Variants in TLL2 observed in about 807,000 individuals in gnomAD.
TLL2 encodes the protein tolloid-like protein 2.
TLL2 carries 106 observed loss-of-function variants against 123.0 expected under a neutral mutation model. The ratio of observed to expected loss-of-function variants is 0.86; its 90% CI spans 0.74 to 1.01. The LOEUF (loss-of-function observed/expected upper bound fraction) is 1.01. Ranked by LOEUF, TLL2 falls within the 50% of genes least tolerant of loss-of-function variation. The probability of loss-of-function intolerance (pLI) is 0.00; values close to 1 mark genes in which losing one functional copy is unlikely to be tolerated. For missense variants in TLL2, 1,332 were observed against 1,336.7 expected, an observed-to-expected ratio of 1.00 and a Z score of 0.06; for synonymous variants, 494 against 516.8, an observed-to-expected ratio of 0.96 and a Z score of 0.60.
chr10:96,407,475 T>G (rs186127979), intron 9 of TLL2, among the ~76,000 whole-genome samples: 1 of 152,314 alleles, frequency 6.6e-6, no homozygotes, highest in African/African-American at 2.4e-5. Context: ...TGTAACACAA[T>G]ACACACATCA....
chr10:96,449,351 C>T (rs1846931750), intron 2 of TLL2, among the ~76,000 whole-genome samples: 1 of 152,148 alleles, frequency 6.6e-6, no homozygotes, highest in African/African-American at 2.4e-5. Flanking sequence ...GCTGCTTATT[C>T]CCAGGGGATA....
chr10:96,368,122 G>A lies in TLL2; in HGVS notation c.3014C>T (p.Thr1005Ile), dbSNP rs779984115. Residue 1005 changes from threonine (T) to isoleucine (I), a missense_variant, in exon 21 of 21, where the codon ACC (threonine) becomes ATC (isoleucine). By Grantham distance (89) the Thr-to-Ile change is moderately conservative (BLOSUM62 -1). Coordinates refer to ENST00000357947, the MANE Select transcript of TLL2 (RefSeq NM_012465.4). ...KKGFHARYTSTKFQDALHMKK is the reference protein window; with the variant it reads ...KKGFHARYTSIKFQDALHMKK ...CATGTGCAGGGCATCCTGGAACTTG[G>A]TGCTGGTGTATCGGGCATGAAAGCC... 1.2e-6 allele frequency: 2 copies of A among 1,614,116 alleles called. No homozygotes were observed. The highest frequency in any genetic ancestry group is 1.7e-5 in the Admixed American group (1 of 60,012).
At chr10:96,449,388 G>A (rs1191636266) in intron 2 of TLL2, among the ~76,000 whole-genome samples, 1 of 152,222 alleles carries the variant, frequency 6.6e-6, no homozygotes, top group Non-Finnish European at 1.5e-5. Context: ...CAGGAGGTCT[G>A]TAAGAAGACA....
At chr10:96,427,158 T>A (rs1846685832) in intron 5 of TLL2, among the ~76,000 whole-genome samples, 1 of 152,226 alleles carries the variant, frequency 6.6e-6, no homozygotes, top group African/African-American at 2.4e-5. Flanking sequence ...TACCAGCTAA[T>A]GTTTATTCTA....
chr10:96,498,104 G>A (rs1201503296), intron 1 of TLL2, among the ~76,000 whole-genome samples: 5 of 152,196 alleles, frequency 3.3e-5, no homozygotes, highest in African/African-American at 1.2e-4. Context: ...CATCTCATAA[G>A]CCCTAATAGC....
At chr10:96,497,908 A>G (rs2134112715) in intron 1 of TLL2, among the ~76,000 whole-genome samples, 1 of 152,348 alleles carries the variant, frequency 6.6e-6, no homozygotes, top group East Asian at 1.9e-4. Context: ...GCCTATGCCA[A>G]CACCTTTCAC....
rs551186860 is a variant in TLL2, at chr10:96,445,046, G to A, written c.364+1045C>T. On this transcript the variant is annotated intron_variant, in intron 3 of 20. Coordinates refer to ENST00000357947, the MANE Select transcript of TLL2 (RefSeq NM_012465.4). ...CTACTAAAAATACAAAACATTAGCCGGGCACGGTGGCGGGCGCCTGTAGTC... is the reference window on the plus strand; with the variant it reads ...CTACTAAAAATACAAAACATTAGCCAGGCACGGTGGCGGGCGCCTGTAGTC... 3.9e-5 allele frequency among the ~76,000 whole-genome samples: 6 copies of A among 152,098 alleles called. No individual in the cohort carries two copies. The East Asian group carries it at 9.7e-4, about 24-fold the overall frequency.
chr10:96,422,866 G>A (rs960266264), intron 5 of TLL2, 139 bp from the exon 6 acceptor site: 9 of 1,035,068 alleles, frequency 8.7e-6, no homozygotes, highest in African/African-American at 3.2e-5. Context: ...AGTGGCTTAC[G>A]CCTGTAATCC....
intron 1 of TLL2, among the ~76,000 whole-genome samples, chr10:96,502,017 G>A (rs571853414): frequency 6.6e-6 from 1 of 152,256 alleles, no homozygotes; most frequent in Admixed American, 6.5e-5. Flanking sequence ...GTGCTTTTCA[G>A]AAAAACAAAG....
intron 7 of TLL2, among the ~76,000 whole-genome samples, chr10:96,420,223 A>T (rs1846606008): frequency 6.6e-6 from 1 of 152,246 alleles, no homozygotes; most frequent in South Asian, 2.1e-4. Context: ...ACTCAACGCT[A>T]GAAAGAACTA....
At chr10:96,403,934 C>G (rs974776469) in intron 10 of TLL2, among the ~76,000 whole-genome samples, 4 of 152,090 alleles carry the variant, frequency 2.6e-5, no homozygotes, top group South Asian at 4.2e-4. Context: ...AAACATAAAT[C>G]TGGCCTACGT....
chr10:96,457,109 C>G (rs1017928027), intron 2 of TLL2, among the ~76,000 whole-genome samples: 1 of 152,196 alleles, frequency 6.6e-6, no homozygotes, highest in African/African-American at 2.4e-5. Flanking sequence ...TGAGCAGCAC[C>G]TAATGCTATG....
chr10:96,500,908 C>T (rs957388375), intron 1 of TLL2, among the ~76,000 whole-genome samples: 1 of 152,258 alleles, frequency 6.6e-6, no homozygotes, highest in Non-Finnish European at 1.5e-5. Context: ...GTGTATAAAG[C>T]AACTTAAATT....
chr10:96,459,351 G>A (rs981852359), intron 2 of TLL2, among the ~76,000 whole-genome samples: 8 of 151,922 alleles, frequency 5.3e-5, no homozygotes, highest in East Asian at 2.0e-4. Context: ...ATATAAGGCC[G>A]GATGCAGTTG....
At chr10:96,455,247 T>C (rs1364913768) in intron 2 of TLL2, among the ~76,000 whole-genome samples, 2 of 151,912 alleles carry the variant, frequency 1.3e-5, no homozygotes, top group Non-Finnish European at 2.9e-5. Context: ...TAAAATTAAA[T>C]AAATAAATAA....
intron 13 of TLL2, among the ~76,000 whole-genome samples, chr10:96,391,906 T>C (rs1289880463): frequency 6.6e-6 from 1 of 152,230 alleles, no homozygotes; most frequent in Non-Finnish European, 1.5e-5. Context: ...TTGACAGGCA[T>C]CTGAAAAGAT....
chr10:96,419,866 T>C (rs1846601977), intron 7 of TLL2, among the ~76,000 whole-genome samples: 2 of 152,216 alleles, frequency 1.3e-5, no homozygotes, highest in South Asian at 2.1e-4. Context: ...TTTATGGACA[T>C]GGAGACTCAT....
intron 9 of TLL2, 144 bp from the exon 10 acceptor site, chr10:96,405,478 C>T: frequency 1.4e-6 from 1 of 709,822 alleles, no homozygotes; most frequent in Non-Finnish European, 2.4e-6. Flanking sequence ...CAAAAGCATG[C>T]TCACAGGAAA....
intron 1 of TLL2, among the ~76,000 whole-genome samples, chr10:96,495,915 T>A (rs1487636499): frequency 6.6e-6 from 1 of 152,100 alleles, no homozygotes; most frequent in Non-Finnish European, 1.5e-5. Context: ...TTTAATGGGA[T>A]CAAACAGATT....
Sources: gnomAD v4.1 joint callset for allele counts (sites outside exome capture counted in the v4.1 genomes callset) on GRCh38, gnomAD v4.1.1 for gene constraint, MANE v1.5 for transcripts, NCBI Gene and HGNC (gene_info 2026-07-23, HGNC 2026-07-21) for gene names.